PCDH15: variants seen among roughly 807,000 people sequenced by gnomAD.
The protein encoded by PCDH15 is protocadherin-15.
PCDH15 carries 129 observed loss-of-function variants against 178.5 expected under a neutral mutation model. That is an observed-to-expected ratio of 0.72 (90% CI 0.63 to 0.84). The LOEUF (loss-of-function observed/expected upper bound fraction) is 0.84, where lower values mean the gene tolerates loss of function less well. Among genes scored for constraint, PCDH15 ranks in the 40% least tolerant of loss-of-function variants. The pLI, the probability that PCDH15 is intolerant of heterozygous loss-of-function variation, is 0.00. For missense variants in PCDH15, 2,230 were observed against 2,099.9 expected (o/e 1.06, Z -1.21); for synonymous variants, 800 against 732.0 (o/e 1.09, Z -1.50).
intron 15 of PCDH15, among the ~76,000 whole-genome samples, chr10:54,120,011 A>G (rs1360370307): frequency 6.6e-6 from 1 of 152,098 alleles, no homozygotes; most frequent in Non-Finnish European, 1.5e-5. Context: ...TTAAAGGCAG[A>G]TAGAGAAAAA....
intron 20 of PCDH15, among the ~76,000 whole-genome samples, chr10:54,007,190 C>T (rs1402267921): frequency 6.6e-6 from 1 of 152,108 alleles, no homozygotes; most frequent in Non-Finnish European, 1.5e-5. Context: ...ACTCTAAGAC[C>T]AGGTTTCTAT....
rs76298378 is a variant in PCDH15, at chr10:54,187,224, T to C, written c.1306-1956A>G. On this transcript the variant is annotated intron_variant, in intron 11 of 37. Transcript: ENST00000644397. ...CTTTTGTTCAAATCTCATCATTCTC[T>C]ACTTCCTTTATACCTTAATTCTCTC... 7.5e-3 allele frequency among the ~76,000 whole-genome samples: 1,135 copies of C among 152,102 alleles called. 5 individuals are homozygous for C. Among genetic ancestry groups the C allele is most frequent in the Non-Finnish European group, 0.013 (853 of 67,826 alleles).
At chr10:54,843,998 T>A (rs1953463104) in intron 3 of PCDH15, among the ~76,000 whole-genome samples, 1 of 152,044 alleles carries the variant, frequency 6.6e-6, no homozygotes, top group Admixed American at 6.6e-5. Context: ...TTTCAAAATA[T>A]AACACAGAGC....
chr10:55,144,953 T>G (rs1838463166), intron 2 of PCDH15, among the ~76,000 whole-genome samples: 1 of 152,030 alleles, frequency 6.6e-6, no homozygotes, highest in African/African-American at 2.4e-5. Context: ...CAGCCATTCT[T>G]AATAAGAGAA....
chr10:55,219,573 T>C (rs747781453), intron 1 of PCDH15, among the ~76,000 whole-genome samples: 73 of 151,352 alleles, frequency 4.8e-4, no homozygotes, highest in Admixed American at 1.4e-3. Flanking sequence ...GAAACATATA[T>C]AATAATATAA....
chr10:55,547,912 A>T (rs111755408), intron 2 of PCDH15, among the ~76,000 whole-genome samples: 2,373 of 45,834 alleles, frequency 0.052, 35 homozygotes, highest in African/African-American at 0.15. Flanking sequence ...TGTGTGTGTG[A>T]GAGAGAGAGA....
intron 15 of PCDH15, among the ~76,000 whole-genome samples, chr10:54,105,275 G>GATATAT (rs1491261944): frequency 4.2e-5 from 2 of 47,842 alleles, no homozygotes; most frequent in East Asian, 1.2e-3. Context: ...CATATAGATG[G>GATATAT]AGATATATAT....
chr10:54,304,623 C>G (rs776180695), intron 8 of PCDH15, among the ~76,000 whole-genome samples: 5 of 151,998 alleles, frequency 3.3e-5, no homozygotes, highest in Admixed American at 6.6e-5. Flanking sequence ...TTATTCTTAC[C>G]ACAGTTGGAA....
intron 2 of PCDH15, among the ~76,000 whole-genome samples, chr10:55,432,243 C>G (rs1024177112): frequency 6.6e-6 from 1 of 152,020 alleles, no homozygotes; most frequent in Admixed American, 6.5e-5. Context: ...GATAAATGTT[C>G]AAAGATCTAA....
chr10:54,752,521 C>CAAAAAAAAAAAAAAAA (rs1229369057), intron 1 of PCDH15, among the ~76,000 whole-genome samples: 1 of 58,894 alleles, frequency 1.7e-5, no homozygotes, highest in Non-Finnish European at 4.5e-5. Context: ...AACAAACAAA[C>CAAAAAAAAAAAAAAAA]AAACAAACAA....
At chr10:55,231,777 C>T (rs1052320465) in intron 1 of PCDH15, among the ~76,000 whole-genome samples, 5 of 151,862 alleles carry the variant, frequency 3.3e-5, no homozygotes, top group Admixed American at 2.0e-4. Flanking sequence ...AAAGATACAG[C>T]TATCTTGTGA....
At chr10:54,635,191 A>ATAAATAAATAAATAAT (rs1165446278) in intron 2 of PCDH15, among the ~76,000 whole-genome samples, 2 of 150,530 alleles carry the variant, frequency 1.3e-5, no homozygotes, top group African/African-American at 4.9e-5. Context: ...AAATAAATAA[A>ATAAATAAATAAATAAT]TAATTTATTC....
intron 8 of PCDH15, among the ~76,000 whole-genome samples, chr10:54,285,893 AT>A (rs1356954688): frequency 1.3e-5 from 2 of 152,218 alleles, no homozygotes; most frequent in African/African-American, 2.4e-5. Context: ...CCATAAAAAA[AT>A]AAATCCTGTT....
rs74136402 is a variant in PCDH15, at chr10:55,245,690, A to C, written c.-156+73909T>G. On this transcript the variant is annotated intron_variant, in intron 1 of 5. Transcript: ENST00000458638. ...ATATGTGGTGTCCAAAAATTTGCCC[A>C]AAATCCCAGAATATGTATCAGAAGA... is the stretch of plus-strand genomic sequence containing the variant. Among the ~76,000 whole-genome samples the C allele has an allele frequency of 3.7e-3, 566 of 152,300 alleles. 2 individuals carry two copies. The highest frequency in any genetic ancestry group is 0.013 in the African/African-American group (549 of 41,566).
intron 2 of PCDH15, among the ~76,000 whole-genome samples, chr10:55,507,019 A>G (rs1453260549): frequency 1.3e-5 from 2 of 151,500 alleles, no homozygotes; most frequent in East Asian, 3.9e-4. Flanking sequence ...AGGTATATAC[A>G]TATAATTACT....
rs1427711755 is a variant in PCDH15, at chr10:53,806,084, C to T, written c.*495G>A. The T allele has an allele frequency of 1.3e-5, 2 of 153,522 alleles. No individual in the cohort carries two copies. The allele number at this position is 153,522 out of a possible 1,614,324, so 9.5% of individuals were successfully genotyped here. On this transcript the variant is annotated 3_prime_UTR_variant, in exon 38 of 38. Coordinates refer to ENST00000644397, the MANE Select transcript of PCDH15 (RefSeq NM_001384140.1). ...ACAGGTGATTCCCTCATTTACTTTA[C>T]TTTGCAATTCTAGCTTTCATTTTAA...
At chr10:54,768,820 G>A (rs1948784950) in intron 1 of PCDH15, among the ~76,000 whole-genome samples, 1 of 151,996 alleles carries the variant, frequency 6.6e-6, no homozygotes, top group South Asian at 2.1e-4. Context: ...CCCATGTCAT[G>A]CCACTTGTAA....
chr10:54,024,540 A>G (rs2093024549), intron 18 of PCDH15, among the ~76,000 whole-genome samples: 1 of 152,166 alleles, frequency 6.6e-6, no homozygotes. Context: ...AAGATGTGAA[A>G]ATCATGTTTA....
intron 3 of PCDH15, among the ~76,000 whole-genome samples, chr10:54,816,892 C>G (rs1289969997): frequency 6.6e-6 from 1 of 152,000 alleles, no homozygotes; most frequent in African/African-American, 2.4e-5. Flanking sequence ...CAGGTCCCTC[C>G]TCTTACTTCA....
Sources: gnomAD v4.1 joint callset for allele counts (sites outside exome capture counted in the v4.1 genomes callset) on GRCh38, gnomAD v4.1.1 for gene constraint, MANE v1.5 for transcripts, NCBI Gene and HGNC (gene_info 2026-07-23, HGNC 2026-07-21) for gene names.